Variants in RBFOX3 observed in about 807,000 individuals in gnomAD.
RBFOX3 encodes the protein RNA binding fox-1 homolog 3, also known as RNA binding protein fox-1 homolog 3.
RBFOX3 carries 17 observed loss-of-function variants against 48.7 expected under a neutral mutation model. That is an observed-to-expected ratio of 0.35 (90% CI 0.24 to 0.52). The LOEUF is 0.52. Ranked by LOEUF, RBFOX3 falls within the 20% of genes least tolerant of loss-of-function variation. RBFOX3 has a pLI of 0.94. For synonymous variants in RBFOX3, 212 were observed against 209.5 expected (o/e 1.01, Z -0.10); for missense variants, 382 against 497.5 (o/e 0.77, Z 2.21).
intron 2 of RBFOX3, among the ~76,000 whole-genome samples, chr17:79,438,906 G>A (rs575441377): frequency 1.7e-4 from 26 of 152,316 alleles, no homozygotes; most frequent in African/African-American, 3.8e-4. Context: ...TGAAATCCCC[G>A]AAGCTCAATA....
At chr17:79,466,321 CG>C (rs1484372537) in intron 2 of RBFOX3, among the ~76,000 whole-genome samples, 4 of 152,262 alleles carry the variant, frequency 2.6e-5, no homozygotes, top group East Asian at 3.9e-4. Flanking sequence ...TCCTGGGGGG[CG>C]GGGGGCGAGC....
intron 2 of RBFOX3, among the ~76,000 whole-genome samples, chr17:79,349,925 G>A (rs1433848616): frequency 2.0e-5 from 3 of 152,126 alleles, no homozygotes; most frequent in Non-Finnish European, 4.4e-5. Context: ...CCTAGGCCAC[G>A]TGGCCCACAC....
chr17:79,090,805 T>C lies in RBFOX3; in HGVS notation c.*78A>G. 5 of 1,454,658 alleles carry C rather than the reference T, an allele frequency of 3.4e-6. No homozygotes were observed. Among genetic ancestry groups the C allele is most frequent in the Non-Finnish European group, 3.7e-6 (4 of 1,085,704 alleles). The allele number at this position is 1,454,658 out of a possible 1,614,324, so 90.1% of individuals were successfully genotyped here. A position where few individuals can be genotyped will look rare whatever the true frequency, so the allele number is the denominator to read the frequency against. On this transcript the variant is annotated 3_prime_UTR_variant, in exon 15 of 15. Coordinates refer to ENST00000693108, the MANE Select transcript of RBFOX3 (RefSeq NM_001350451.2). ...GTTGCTTGGATCTTAACATCTTTTT[T>C]TGTTTTTTTTGTTTTGTGATTTTTT... is the stretch of plus-strand genomic sequence containing the variant.
At chr17:79,266,441 G>A in intron 3 of RBFOX3, among the ~76,000 whole-genome samples, 1 of 152,292 alleles carries the variant, frequency 6.6e-6, no homozygotes, top group Admixed American at 6.5e-5. Context: ...CTTTTCTTAG[G>A]GGGTATTATT....
upstream of RBFOX3, among the ~76,000 whole-genome samples, chr17:79,614,970 AT>A (rs1213772167): frequency 6.6e-6 from 1 of 152,084 alleles, no homozygotes; most frequent in African/African-American, 2.4e-5. Flanking sequence ...TTACTTAAGA[AT>A]TTTTTTCCAG....
the RBFOX3 span, among the ~76,000 whole-genome samples, chr17:79,620,021 A>G: frequency 6.0e-5 from 9 of 150,234 alleles, no homozygotes; most frequent in Non-Finnish European, 1.2e-4. Flanking sequence ...GCACACACAC[A>G]CGTGCACACA....
chr17:79,187,157 A>C (rs376939089), intron 4 of RBFOX3, among the ~76,000 whole-genome samples: 1 of 152,206 alleles, frequency 6.6e-6, no homozygotes, highest in South Asian at 2.1e-4. Flanking sequence ...CTGTGGTCAG[A>C]TGACTTGGGG....
At chr17:79,292,601 CACACACACACACACATACAT>C (rs879665387) in intron 3 of RBFOX3, among the ~76,000 whole-genome samples, 26,183 of 110,258 alleles carry the variant, frequency 0.24, 2,614 homozygotes, top group Middle Eastern at 0.36. Flanking sequence ...CACACACACG[CACACACACACACACATACAT>C]GCAGACCCAG....
chr17:79,447,225 C>T (rs139673324), intron 2 of RBFOX3, among the ~76,000 whole-genome samples: 1 of 152,344 alleles, frequency 6.6e-6, no homozygotes, highest in East Asian at 1.9e-4. Context: ...CGAACTGGAG[C>T]TTCTTCTGCC....
At chr17:79,229,742 C>T (rs1224628390) in intron 4 of RBFOX3, among the ~76,000 whole-genome samples, 1 of 151,996 alleles carries the variant, frequency 6.6e-6, no homozygotes, top group South Asian at 2.1e-4. Flanking sequence ...TTGACTTCTC[C>T]AGGGAAATTC....
intron 1 of RBFOX3, among the ~76,000 whole-genome samples, chr17:79,597,767 C>T (rs2093604451): frequency 6.6e-6 from 1 of 152,206 alleles, no homozygotes; most frequent in Admixed American, 6.5e-5. Context: ...CAGCAGGGAG[C>T]AGACACCCCC....
At chr17:79,240,004 C>T (rs1380524006) in intron 3 of RBFOX3, among the ~76,000 whole-genome samples, 2 of 152,198 alleles carry the variant, frequency 1.3e-5, no homozygotes, top group African/African-American at 4.8e-5. Context: ...CCACCTGGCT[C>T]ACAGTTCAAC....
At chr17:79,517,930 G>C (rs983130883) in intron 1 of RBFOX3, among the ~76,000 whole-genome samples, 5 of 152,104 alleles carry the variant, frequency 3.3e-5, no homozygotes, top group Admixed American at 6.5e-5. Flanking sequence ...GGTCTGACCC[G>C]GTATTGATCC....
intron 1 of RBFOX3, among the ~76,000 whole-genome samples, chr17:79,513,537 T>C (rs1325385484): frequency 2.0e-5 from 3 of 152,120 alleles, no homozygotes; most frequent in African/African-American, 7.2e-5. Flanking sequence ...TGGACCCCCA[T>C]CCCCACAGTG....
intron 2 of RBFOX3, among the ~76,000 whole-genome samples, chr17:79,410,505 G>A (rs1055256172): frequency 2.0e-5 from 3 of 152,190 alleles, no homozygotes; most frequent in African/African-American, 7.2e-5. Context: ...CTAAGCAGAT[G>A]AGCCTTTGAA....
In RBFOX3 at chr17:79,410,291, A is replaced by T. The variant is rs117310095; in HGVS notation, c.-175+72163T>A. Among the ~76,000 whole-genome samples the T allele has an allele frequency of 1.7e-3, 254 of 152,294 alleles. 5 individuals carry two copies. The East Asian group carries it at 0.027, about 16-fold the overall frequency. ...GTCTTAGCTGCTCCCAGTCAGTGGC[A>T]TCTACCCTGCTGCGTTTCAGGCTGG... On this transcript the variant is annotated intron_variant, in intron 2 of 14. Transcript: ENST00000693108.
At chr17:79,134,867 G>C (rs1402987434) in intron 4 of RBFOX3, among the ~76,000 whole-genome samples, 1 of 152,214 alleles carries the variant, frequency 6.6e-6, no homozygotes, top group Non-Finnish European at 1.5e-5. Context: ...GAGGGGTCTG[G>C]AGGAAGAGCA....
chr17:79,145,911 G>A (rs538524576), intron 4 of RBFOX3, among the ~76,000 whole-genome samples: 1 of 152,244 alleles, frequency 6.6e-6, no homozygotes, highest in South Asian at 2.1e-4. Flanking sequence ...TCCAAAGGCC[G>A]CCGGGGGCAG....
intron 3 of RBFOX3, among the ~76,000 whole-genome samples, chr17:79,297,099 ATG>A (rs879868866): frequency 0.084 from 12,743 of 151,522 alleles, 712 homozygotes; most frequent in East Asian, 0.29. Flanking sequence ...TCTTAAAGTG[ATG>A]CCCAAGGCCC....
Sources: allele counts gnomAD v4.1 joint callset (sites outside exome capture counted in the v4.1 genomes callset), GRCh38; gene constraint gnomAD v4.1.1; transcripts MANE v1.5; gene names NCBI Gene and HGNC (gene_info 2026-07-23, HGNC 2026-07-21).